EDNRB: variants seen among roughly 807,000 people sequenced by gnomAD.
EDNRB encodes endothelin receptor type B.
A neutral mutation model predicts 46.4 loss-of-function variants in EDNRB; 18 were observed. The ratio of observed to expected loss-of-function variants is 0.39; its 90% confidence interval spans 0.27 to 0.57. The LOEUF is 0.57. EDNRB is among the 20% of genes least tolerant of loss of function. EDNRB has a pLI of 0.61. For missense variants in EDNRB, 434 were observed against 537.5 expected (o/e 0.81, Z 1.90); for synonymous variants, 213 against 204.9 (o/e 1.04, Z -0.34).
At chr13:77,960,678 G>A (rs185301461) in intron 1 of EDNRB, among the ~76,000 whole-genome samples, 18 of 152,090 alleles carry the variant, frequency 1.2e-4, no homozygotes, top group African/African-American at 2.7e-4. Context: ...GATCAAATTC[G>A]CACATAACAA....
In EDNRB at chr13:77,905,776, C is replaced by T. The variant is rs545302898; in HGVS notation, c.484-2169G>A. ...AGGCAGAGGCAAGAGCATGTGCAAA[C>T]GCCCTGAGGTCAAAACAAGCCTGGT... On this transcript the variant is annotated intron_variant, in intron 1 of 6. Transcript: ENST00000646607. 1.6e-4 allele frequency among the ~76,000 whole-genome samples: 25 copies of T among 152,060 alleles called. 1 individual carries two copies. In the South Asian group the frequency reaches 2.1e-3, roughly 13 times the overall value.
chr13:77,959,239 C>T (rs1052503886), intron 1 of EDNRB, among the ~76,000 whole-genome samples: 1 of 152,186 alleles, frequency 6.6e-6, no homozygotes, highest in Non-Finnish European at 1.5e-5. Context: ...GGACAGACTG[C>T]CTCCTCAAGC....
At chr13:77,962,331 A>C (rs1881446584) in intron 1 of EDNRB, among the ~76,000 whole-genome samples, 1 of 152,222 alleles carries the variant, frequency 6.6e-6, no homozygotes, top group South Asian at 2.1e-4. Flanking sequence ...CAACAAAAAA[A>C]AGAGTATTGT....
Position 77,931,746 on chromosome 13 carries a change from AAAAAAAAAAAAAAAC to A in EDNRB, c.-51-13137_-51-13123del, listed in dbSNP as rs1176895632. 3.3e-3 allele frequency among the ~76,000 whole-genome samples: 47 copies of A among 14,070 alleles called. 1 individual carries two copies. The highest frequency in any genetic ancestry group is 5.9e-3 in the South Asian group (3 of 512). The allele number at this position is 14,070 out of a possible 152,430, so 9.2% of individuals were successfully genotyped here. A position where few individuals can be genotyped will look rare whatever the true frequency, so the allele number is the denominator to read the frequency against. ...TTAGCATTGAAATACTGTAGTAGCA[AAAAAAAAAAAAAAAC>A]AAAAAAAAAAAAACAAAAAAAACCT... is the stretch of plus-strand genomic sequence containing the variant. On this transcript the variant is annotated intron_variant, in intron 1 of 7. Coordinates refer to the EDNRB transcript ENST00000646948.
intron 1 of EDNRB, among the ~76,000 whole-genome samples, chr13:77,908,041 A>AG (rs1424023339): frequency 0.054 from 844 of 15,672 alleles, 5 homozygotes; most frequent in African/African-American, 0.17. Context: ...AAAAAAAAAA[A>AG]AAAGAGAGAG....
chr13:77,901,447 C>CA (rs1236499912), intron 3 of EDNRB, among the ~76,000 whole-genome samples: 2 of 152,086 alleles, frequency 1.3e-5, no homozygotes, highest in African/African-American at 4.8e-5. Flanking sequence ...TAAGCATGCA[C>CA]AAAAACTTAA....
chr13:77,939,036 T>G (rs1880656128), intron 1 of EDNRB: 1 of 152,204 alleles, frequency 6.6e-6, no homozygotes, highest in Non-Finnish European at 1.5e-5. Flanking sequence ...CAATAAAGCT[T>G]TTAATCACCT....
chr13:77,899,110 G>A (rs1387100060), intron 6 of EDNRB, among the ~76,000 whole-genome samples: 2 of 151,810 alleles, frequency 1.3e-5, no homozygotes, highest in African/African-American at 4.8e-5. Context: ...AAATGAGGGT[G>A]TTGATCCTGA....
chr13:77,910,840 T>C (rs1013072369), intron 1 of EDNRB, among the ~76,000 whole-genome samples: 1 of 152,020 alleles, frequency 6.6e-6, no homozygotes. Context: ...AAGATTCCTC[T>C]AACTTGCTGA....
chr13:77,903,481 A>G lies in EDNRB; in HGVS notation c.596+14T>C, dbSNP rs1300920236. The G allele has an allele frequency of 3.7e-6, 6 of 1,611,926 alleles. No individual in the cohort carries two copies. Among genetic ancestry groups the G allele is most frequent in the Middle Eastern group, 1.7e-4 (1 of 6,044 alleles). Reference sequence around the variant, plus strand: ...TATATTCAGAATATACTTGGATTAAATAGAAGCTTCTACCTGTCAATACTC... The same window carrying G: ...TATATTCAGAATATACTTGGATTAAGTAGAAGCTTCTACCTGTCAATACTC... On this transcript the variant is annotated intron_variant, in intron 2 of 6. Transcript: ENST00000646607.
intron 1 of EDNRB, among the ~76,000 whole-genome samples, chr13:77,937,248 G>A (rs1445298211): frequency 2.0e-5 from 3 of 152,172 alleles, no homozygotes; most frequent in East Asian, 1.9e-4. Flanking sequence ...AACTAGGCAG[G>A]AAATCATGTA....
rs140540556 is a variant in EDNRB at position 77,948,485 on chromosome 13, C to T, written c.-52+26862G>A. Among the ~76,000 whole-genome samples, 708 of 152,260 alleles carry T rather than the reference C, an allele frequency of 4.6e-3. 5 individuals are homozygous for T. The highest frequency in any genetic ancestry group is 0.016 in the African/African-American group (675 of 41,540). On this transcript the variant is annotated intron_variant, in intron 1 of 7. Transcript: ENST00000646948. Reference sequence around the variant, plus strand: ...ATGGTAAGGTGCTTAATATCTGATACGTCTACAATTCTCCATGTTTTCATA... The same window carrying T: ...ATGGTAAGGTGCTTAATATCTGATATGTCTACAATTCTCCATGTTTTCATA...
chr13:77,932,119 G>C (rs1301383924), intron 1 of EDNRB, among the ~76,000 whole-genome samples: 3 of 151,986 alleles, frequency 2.0e-5, no homozygotes, highest in African/African-American at 7.2e-5. Flanking sequence ...CTGGAGAAGA[G>C]AGAAGTCTTG....
intron 1 of EDNRB, among the ~76,000 whole-genome samples, chr13:77,948,735 AAC>A (rs1157958114): frequency 9.9e-5 from 15 of 152,210 alleles, no homozygotes; most frequent in African/African-American, 3.6e-4. Flanking sequence ...CTTTTATTCC[AAC>A]TCAAGACTTG....
At chr13:77,901,457 A>C (rs1355902847) in intron 3 of EDNRB, among the ~76,000 whole-genome samples, 1 of 152,024 alleles carries the variant, frequency 6.6e-6, no homozygotes, top group African/African-American at 2.4e-5. Context: ...CAAAAACTTA[A>C]GTAGTTAGGC....
At chr13:77,946,458 C>T (rs1320902048) in intron 1 of EDNRB, among the ~76,000 whole-genome samples, 3 of 152,132 alleles carry the variant, frequency 2.0e-5, no homozygotes, top group African/African-American at 4.8e-5. Context: ...ATATAGTTTC[C>T]TTTGGAAATC....
upstream of EDNRB, chr13:77,919,664 C>G (rs986141271): frequency 5.9e-6 from 9 of 1,518,416 alleles, no homozygotes; most frequent in African/African-American, 1.4e-5. Context: ...GCCTTCCGAC[C>G]CCGCTGCAAC....
At chr13:77,969,433 G>A (rs184432091) in intron 1 of EDNRB, among the ~76,000 whole-genome samples, 4 of 152,266 alleles carry the variant, frequency 2.6e-5, no homozygotes, top group African/African-American at 9.6e-5. Flanking sequence ...GTACAATTAT[G>A]TCTATTTACT....
upstream of EDNRB, among the ~76,000 whole-genome samples, chr13:77,921,615 A>AT (rs1187576778): frequency 1.3e-5 from 2 of 152,170 alleles, no homozygotes; most frequent in Non-Finnish European, 2.9e-5. Context: ...GCCTAAGCAA[A>AT]TTTTTTTCTT....
Sources: gnomAD v4.1 joint callset for allele counts (sites outside exome capture counted in the v4.1 genomes callset) on GRCh38, gnomAD v4.1.1 for gene constraint, MANE v1.5 for transcripts, NCBI Gene and HGNC (gene_info 2026-07-23, HGNC 2026-07-21) for gene names.